AGTPBP1: variants seen among roughly 807,000 people sequenced by gnomAD.
The protein encoded by AGTPBP1 is ATP/GTP binding carboxypeptidase 1.
A neutral mutation model predicts 143.9 loss-of-function variants in AGTPBP1; 70 were observed. The ratio of observed to expected loss-of-function variants is 0.49; its 90% confidence interval spans 0.40 to 0.59. AGTPBP1 has a LOEUF of 0.59. Among genes scored for constraint, AGTPBP1 ranks in the 20% least tolerant of loss-of-function variants. The pLI is 0.00. For missense variants in AGTPBP1, 1,229 were observed against 1,464.5 expected (o/e 0.84, Z 2.62); for synonymous variants, 463 against 500.2 (o/e 0.93, Z 0.99).
At chr9:85,700,371 C>T (rs1011192881) in intron 2 of AGTPBP1, among the ~76,000 whole-genome samples, 1 of 152,092 alleles carries the variant, frequency 6.6e-6, no homozygotes, top group East Asian at 1.9e-4. Context: ...ATGTTCACAA[C>T]ACCAAGAGGA....
intron 1 of AGTPBP1, among the ~76,000 whole-genome samples, chr9:85,725,467 AC>A (rs374345933): frequency 2.9e-4 from 44 of 152,264 alleles, no homozygotes; most frequent in African/African-American, 9.4e-4. Flanking sequence ...GGTGGTTGCT[AC>A]GCATAGGGGG....
chr9:85,578,920 C>T lies in AGTPBP1; in HGVS notation c.3342G>A (p.Lys1114=), dbSNP rs1385647529. ...TLCGCDQGKY[K]GLQIGTRELE... is the part of the protein sequence containing the mutation. Reference sequence around the variant, plus strand: ...GGTTAGAAAACCTAAGATGTTTTACCTTGTATTTTCCCTGATCACAGCCAC... The same window carrying T: ...GGTTAGAAAACCTAAGATGTTTTACTTTGTATTTTCCCTGATCACAGCCAC... Residue 1114 remains lysine, a splice_region_variant and synonymous_variant, in exon 24 of 26, where the codon AAG becomes AAA. Coordinates refer to ENST00000357081, the MANE Select transcript of AGTPBP1 (RefSeq NM_001330701.2). 6.2e-7 allele frequency: 1 copy of T among 1,610,832 alleles called. No homozygotes were observed. Among genetic ancestry groups the T allele is most frequent in the Non-Finnish European group, 8.5e-7 (1 of 1,178,656 alleles).
At chr9:85,739,547 A>G (rs1824085464) in intron 1 of AGTPBP1, among the ~76,000 whole-genome samples, 2 of 152,058 alleles carry the variant, frequency 1.3e-5, no homozygotes, top group African/African-American at 4.8e-5. Flanking sequence ...CGTCTCTACT[A>G]AAAACAAAAA....
At chr9:85,600,638 A>G (rs1360852771) in intron 17 of AGTPBP1, among the ~76,000 whole-genome samples, 3 of 152,098 alleles carry the variant, frequency 2.0e-5, no homozygotes, top group Non-Finnish European at 2.9e-5. Context: ...GACTCCTCCA[A>G]TCCTAGCCAG....
chr9:85,805,237 CA>C, the AGTPBP1 span: 1 of 152,272 alleles, frequency 6.6e-6, no homozygotes, highest in Admixed American at 6.5e-5. Flanking sequence ...GGAAAATAAA[CA>C]AACCCCCGCG....
the AGTPBP1 span, among the ~76,000 whole-genome samples, chr9:85,803,312 G>A: frequency 6.6e-6 from 1 of 152,152 alleles, no homozygotes; most frequent in Non-Finnish European, 1.5e-5. Context: ...TTTGGATATT[G>A]TTGAGCAACA....
intron 21 of AGTPBP1, among the ~76,000 whole-genome samples, chr9:85,587,448 G>A (rs919804460): frequency 9.9e-5 from 15 of 151,896 alleles, no homozygotes; most frequent in East Asian, 1.9e-4. Flanking sequence ...GTTTATTTAC[G>A]GGTACTAAGT....
chr9:85,547,252 G>A lies in AGTPBP1; in HGVS notation c.3538C>T (p.Arg1180Ter), dbSNP rs760053644. 5.6e-6 allele frequency: 9 copies of A among 1,612,532 alleles called. No individual in the cohort carries two copies. In the East Asian group the frequency reaches 1.3e-4, roughly 24 times the overall value. The change falls in exon 26 of 26, where the codon CGA (arginine) becomes TGA (stop). Residue 1180 changes from arginine (R) to a stop codon, truncating the protein, a stop_gained. Coordinates refer to ENST00000357081, the MANE Select transcript of AGTPBP1 (RefSeq NM_001330701.2). LOFTEE classifies it high-confidence loss of function. ...TTYVLDEDEP[R>*]FLEEVDYSAE... The stretch of plus-strand genomic sequence containing the variant: ...CTGTAATCAACTTCTTCAAGGAATC[G>A]AGGTTCATCTTCATCCAAGACATAA...
At chr9:85,795,790 T>C in the AGTPBP1 span, among the ~76,000 whole-genome samples, 1 of 152,076 alleles carries the variant, frequency 6.6e-6, no homozygotes, top group Admixed American at 6.6e-5. Context: ...AAGGACATGA[T>C]TTCGTTGTTT....
the AGTPBP1 span, among the ~76,000 whole-genome samples, chr9:85,762,867 C>CAT: frequency 1.4e-5 from 2 of 147,636 alleles, no homozygotes; most frequent in Non-Finnish European, 3.0e-5. Flanking sequence ...AAAGTTTATA[C>CAT]ATATATATAG....
chr9:85,558,438 A>G (rs1826488984), intron 25 of AGTPBP1, among the ~76,000 whole-genome samples: 2 of 152,196 alleles, frequency 1.3e-5, no homozygotes, highest in South Asian at 4.1e-4. Context: ...ACTAAATGCC[A>G]CTGAATTGTT....
intron 20 of AGTPBP1, 55 bp from the exon 21 acceptor site, chr9:85,588,533 A>G (rs1828757341): frequency 1.4e-5 from 22 of 1,559,546 alleles, no homozygotes; most frequent in Non-Finnish European, 1.9e-5. Flanking sequence ...AAGTTTGTAT[A>G]TTTTACTTTG....
chr9:85,712,245 C>A (rs1564172407), intron 2 of AGTPBP1, among the ~76,000 whole-genome samples: 2 of 151,938 alleles, frequency 1.3e-5, no homozygotes, highest in Admixed American at 1.3e-4. Context: ...GCCTGGGCAA[C>A]GAGAGTGAAA....
the AGTPBP1 span, among the ~76,000 whole-genome samples, chr9:85,776,314 C>T: frequency 6.6e-6 from 1 of 152,238 alleles, no homozygotes; most frequent in Non-Finnish European, 1.5e-5. Context: ...CTTGTTTCTG[C>T]AGCTGGTCAC....
Position 85,657,296 on chromosome 9 carries a change from T to C in AGTPBP1, c.909+139A>G, listed in dbSNP as rs959209132. The C allele has an allele frequency of 1.5e-5, 11 of 714,116 alleles. No homozygotes were observed. In the African/African-American group the frequency reaches 2.0e-4, roughly 13 times the overall value. The allele number at this position is 714,116 out of a possible 1,614,324, so 44.2% of individuals were successfully genotyped here. On this transcript the variant is annotated intron_variant, in intron 10 of 25. Coordinates refer to ENST00000357081, the MANE Select transcript of AGTPBP1 (RefSeq NM_001330701.2). ...AGGTCACATGTGAGAAATAATTGTG[T>C]CTTTTACTTTTAAGATTTTCGAAAA...
Position 85,600,848 on chromosome 9 carries a change from A to C in AGTPBP1, c.2336-4399T>G, listed in dbSNP as rs567251029. On this transcript the variant is annotated intron_variant, in intron 17 of 25. Coordinates refer to ENST00000357081, the MANE Select transcript of AGTPBP1 (RefSeq NM_001330701.2). The stretch of plus-strand genomic sequence containing the variant: ...AACAGCCTCTGCCTCCCCAACCCAC[A>C]GCCACCAATGCCACAAGCTGCTGCC... Among the ~76,000 whole-genome samples, 28 of 152,214 alleles carry C rather than the reference A, an allele frequency of 1.8e-4. 1 individual carries two copies. In the South Asian group the frequency reaches 4.8e-3, roughly 26 times the overall value.
intron 1 of AGTPBP1, among the ~76,000 whole-genome samples, chr9:85,718,028 A>C (rs1377791969): frequency 2.0e-5 from 3 of 152,178 alleles, no homozygotes; most frequent in Non-Finnish European, 4.4e-5. Flanking sequence ...TTATGGCTGC[A>C]TAGTATTCCA....
At chr9:85,795,654 G>C in the AGTPBP1 span, among the ~76,000 whole-genome samples, 1 of 152,112 alleles carries the variant, frequency 6.6e-6, no homozygotes, top group African/African-American at 2.4e-5. Context: ...GGTACTGTGG[G>C]AGTATGGAGG....
At chr9:85,690,896 G>C (rs1835827316) in intron 3 of AGTPBP1, among the ~76,000 whole-genome samples, 1 of 152,216 alleles carries the variant, frequency 6.6e-6, no homozygotes. Flanking sequence ...TAGCGGTATG[G>C]TTAGGAGTAT....
Sources: gnomAD v4.1 joint callset for allele counts (sites outside exome capture counted in the v4.1 genomes callset) on GRCh38, gnomAD v4.1.1 for gene constraint, MANE v1.5 for transcripts, NCBI Gene and HGNC (gene_info 2026-07-23, HGNC 2026-07-21) for gene names.